LSAMP: variants seen among roughly 807,000 people sequenced by gnomAD.
The protein encoded by LSAMP is limbic system-associated membrane protein.
Under a neutral mutation model 38.6 loss-of-function variants are expected in LSAMP, and 7 were observed. The ratio of observed to expected loss-of-function variants is 0.18; its 90% confidence interval spans 0.10 to 0.34. LSAMP has a LOEUF of 0.34. LSAMP is among the 10% of genes least tolerant of loss of function. LSAMP has a pLI of 1.00. For synonymous variants in LSAMP, 154 were observed against 166.8 expected, an observed-to-expected ratio of 0.92 and a Z score of 0.59; for missense variants, 313 against 420.0, an observed-to-expected ratio of 0.75 and a Z score of 2.23.
intron 1 of LSAMP, among the ~76,000 whole-genome samples, chr3:116,168,230 T>A (rs1461119): frequency 0.77 from 117,217 of 151,740 alleles, 45,649 homozygotes; most frequent in Admixed American, 0.82. Context: ...TATTATTATT[T>A]TTTTTTTACT....
intron 1 of LSAMP, among the ~76,000 whole-genome samples, chr3:116,141,384 T>C (rs1479143163): frequency 6.6e-6 from 1 of 150,524 alleles, no homozygotes; most frequent in African/African-American, 2.4e-5. Context: ...AGATGTACCT[T>C]AGTAGAGAAA....
intron 2 of LSAMP, among the ~76,000 whole-genome samples, chr3:116,048,899 T>C (rs1471257687): frequency 2.6e-5 from 4 of 152,158 alleles, no homozygotes; most frequent in East Asian, 3.9e-4. Flanking sequence ...CAAAATGTAA[T>C]GTAAAGAAGA....
intron 2 of LSAMP, among the ~76,000 whole-genome samples, chr3:116,029,190 C>T (rs1576318568): frequency 6.6e-6 from 1 of 152,066 alleles, no homozygotes. Flanking sequence ...GTCTCTGAAG[C>T]CTTAGACCTT....
chr3:116,213,423 G>C (rs1357406199), intron 1 of LSAMP, among the ~76,000 whole-genome samples: 2 of 152,102 alleles, frequency 1.3e-5, no homozygotes, highest in Non-Finnish European at 2.9e-5. Context: ...GCTCCTCCTA[G>C]CCTTCTGCCA....
chr3:116,318,052 C>T (rs1175779112), intron 1 of LSAMP, among the ~76,000 whole-genome samples: 11 of 145,766 alleles, frequency 7.5e-5, no homozygotes, highest in African/African-American at 2.8e-4. Flanking sequence ...AGGAAAATTG[C>T]TTGAACCCTG....
At chr3:115,888,371 A>G (rs1936510229) in intron 3 of LSAMP, among the ~76,000 whole-genome samples, 1 of 151,822 alleles carries the variant, frequency 6.6e-6, no homozygotes, top group Admixed American at 6.6e-5. Flanking sequence ...TTCTAGTCCC[A>G]TATGCTCCCA....
chr3:115,984,133 T>G (rs761655220), intron 3 of LSAMP, among the ~76,000 whole-genome samples: 1 of 151,966 alleles, frequency 6.6e-6, no homozygotes, highest in African/African-American at 2.4e-5. Flanking sequence ...CAGCTTAGAA[T>G]CAAGCTGGGT....
intron 3 of LSAMP, among the ~76,000 whole-genome samples, chr3:115,912,331 C>T (rs13060817): frequency 6.6e-6 from 1 of 152,114 alleles, no homozygotes; most frequent in African/African-American, 2.4e-5. Flanking sequence ...AGGTGTTAGA[C>T]GTAGGTCAAT....
intron 2 of LSAMP, among the ~76,000 whole-genome samples, chr3:116,057,498 C>T (rs1426278023): frequency 6.6e-6 from 1 of 152,044 alleles, no homozygotes; most frequent in Admixed American, 6.6e-5. Flanking sequence ...AGAAAGAGTA[C>T]TTGGCTAATG....
intron 1 of LSAMP, among the ~76,000 whole-genome samples, chr3:116,162,690 C>CTA (rs1163924323): frequency 2.7e-5 from 4 of 147,296 alleles, no homozygotes; most frequent in African/African-American, 5.0e-5. Context: ...CTCTCTCTCT[C>CTA]TCTCTATATA....
At chr3:116,080,317 C>T (rs891757666) in intron 2 of LSAMP, among the ~76,000 whole-genome samples, 3 of 152,194 alleles carry the variant, frequency 2.0e-5, no homozygotes, top group African/African-American at 7.2e-5. Context: ...ACTGAGCCAA[C>T]TCTTGTGCCA....
At chr3:116,311,348 CTTTTT>C (rs2047555048) in intron 1 of LSAMP, among the ~76,000 whole-genome samples, 1 of 150,452 alleles carries the variant, frequency 6.6e-6, no homozygotes, top group East Asian at 1.9e-4. Context: ...CTTTTTTTTT[CTTTTT>C]AATTTACAAA....
intron 3 of LSAMP, among the ~76,000 whole-genome samples, chr3:115,982,749 T>A (rs553822543): frequency 1.4e-4 from 21 of 152,258 alleles, no homozygotes; most frequent in African/African-American, 3.8e-4. Context: ...TTTCTCTTTT[T>A]ATCTCCATCA....
rs1933646651 is a variant in LSAMP at position 115,807,059 on chromosome 3, G to T, written c.*3258C>A. 6.6e-6 allele frequency: 1 copy of T among 152,150 alleles called. No homozygotes were observed. The highest frequency in any genetic ancestry group is 2.4e-5 in the African/African-American group (1 of 41,436). 9.4% of individuals were successfully genotyped at this position (152,150 alleles called of 1,614,324 possible). A position where few individuals can be genotyped will look rare whatever the true frequency, so the allele number is the denominator to read the frequency against. On this transcript the variant is annotated 3_prime_UTR_variant, in exon 7 of 7. Transcript: ENST00000490035. ...TAATTGATGAATTTCACTCCTCTCAGTATATTATTTCCAACCAGTTGGTGC... is the reference window on the plus strand; with the variant it reads ...TAATTGATGAATTTCACTCCTCTCATTATATTATTTCCAACCAGTTGGTGC...
chr3:116,098,224 C>A (rs73139202), intron 1 of LSAMP, among the ~76,000 whole-genome samples: 22,809 of 151,856 alleles, frequency 0.15, 1,875 homozygotes, highest in Non-Finnish European at 0.19. Flanking sequence ...GGAGCCCGGG[C>A]GCAGTGGCTC....
intron 1 of LSAMP, among the ~76,000 whole-genome samples, chr3:116,362,770 T>A (rs1486192524): frequency 1.0e-5 from 1 of 100,118 alleles, no homozygotes; most frequent in African/African-American, 6.2e-5. Flanking sequence ...ACTGGGTACA[T>A]AACGAAATGA....
intron 1 of LSAMP, among the ~76,000 whole-genome samples, chr3:116,419,869 AC>A (rs1341567288): frequency 7.2e-5 from 11 of 152,198 alleles, no homozygotes; most frequent in African/African-American, 2.7e-4. Flanking sequence ...CAGCCAAACC[AC>A]TAGTAATATA....
At chr3:116,225,440 C>T (rs2046332083) in intron 1 of LSAMP, among the ~76,000 whole-genome samples, 1 of 152,170 alleles carries the variant, frequency 6.6e-6, no homozygotes, top group South Asian at 2.1e-4. Context: ...TGACTGTGGA[C>T]TTCAGCCTCC....
intron 3 of LSAMP, among the ~76,000 whole-genome samples, chr3:115,906,335 C>CT (rs1290035836): frequency 6.6e-6 from 1 of 152,056 alleles, no homozygotes; most frequent in Non-Finnish European, 1.5e-5. Context: ...CCCCTCAGTT[C>CT]TTTTTTATTG....
Sources: gnomAD v4.1 joint callset for allele counts (sites outside exome capture counted in the v4.1 genomes callset) on GRCh38, gnomAD v4.1.1 for gene constraint, MANE v1.5 for transcripts, NCBI Gene and HGNC (gene_info 2026-07-23, HGNC 2026-07-21) for gene names.